PCDHGA2: variants seen among roughly 807,000 people sequenced by gnomAD.
PCDHGA2 encodes protocadherin gamma-A2.
In PCDHGA2, 40 loss-of-function variants were observed where a neutral mutation model predicts 59.2. That is an observed-to-expected ratio of 0.68 (90% CI 0.52 to 0.88). PCDHGA2 has a LOEUF of 0.88. Among genes scored for constraint, PCDHGA2 ranks in the 40% least tolerant of loss-of-function variants. PCDHGA2 has a pLI of 0.00. For synonymous variants in PCDHGA2, 560 were observed against 526.0 expected (o/e 1.06, Z -0.89); for missense variants, 1,226 against 1,204.0 (o/e 1.02, Z -0.27).
chr5:141,459,545 T>G (rs534173050), intron 1 of PCDHGA2, among the ~76,000 whole-genome samples: 81 of 152,348 alleles, frequency 5.3e-4, no homozygotes, highest in South Asian at 1.0e-3. Context: ...TTTTTTTATT[T>G]CTCTTGGATA....
chr5:141,345,970 T>C, intron 1 of PCDHGA2: 2 of 1,613,310 alleles, frequency 1.2e-6, no homozygotes, highest in Non-Finnish European at 1.7e-6. Context: ...GTGGTGGCCG[T>C]CCAGGACCAC....
intron 1 of PCDHGA2, chr5:141,389,392 T>C (rs1258153986): frequency 1.9e-6 from 3 of 1,613,686 alleles, no homozygotes; most frequent in Non-Finnish European, 2.5e-6. Flanking sequence ...TCATCCTACG[T>C]GTCCATAAGC....
In PCDHGA2 at chr5:141,511,352, C is replaced by A. The variant is rs2099883742; in HGVS notation, c.*179C>A. The A allele has an allele frequency of 3.6e-6, 5 of 1,381,248 alleles. No homozygotes were observed. The highest frequency in any genetic ancestry group is 2.7e-4 in the Middle Eastern group (1 of 3,772). 85.6% of individuals were successfully genotyped at this position (1,381,248 alleles called of 1,614,324 possible). ...CAGTCAGCACCTACCCCTTCCCCCCCAGGGGGTTGAATATGCAAAAGCAGT... is the reference window on the plus strand; with the variant it reads ...CAGTCAGCACCTACCCCTTCCCCCCAAGGGGGTTGAATATGCAAAAGCAGT... On this transcript the variant is annotated 3_prime_UTR_variant, in exon 4 of 4. Coordinates refer to ENST00000394576, the MANE Select transcript of PCDHGA2 (RefSeq NM_018915.4).
chr5:141,397,949 A>AGCCCCAGCTCAGAC (rs1391996511), intron 1 of PCDHGA2: 1 of 916,660 alleles, frequency 1.1e-6, no homozygotes, highest in Non-Finnish European at 1.6e-6. Context: ...TTTCCAGGGC[A>AGCCCCAGCTCAGAC]GCCCCAGCTC....
chr5:141,345,264 G>T (rs369204878), intron 1 of PCDHGA2: 1 of 1,613,912 alleles, frequency 6.2e-7, no homozygotes, highest in African/African-American at 1.3e-5. Context: ...CACATCCCTG[G>T]ACCGCGAACA....
intron 1 of PCDHGA2, among the ~76,000 whole-genome samples, chr5:141,463,545 T>C (rs1433047951): frequency 6.8e-6 from 1 of 146,704 alleles, no homozygotes; most frequent in East Asian, 2.1e-4. Flanking sequence ...GGCTCCCGGG[T>C]TCATGCCATT....
Position 141,376,444 on chromosome 5 carries a change from A to G in PCDHGA2, c.2424+35049A>G, listed in dbSNP as rs755915739. On this transcript the variant is annotated intron_variant, in intron 1 of 3. Coordinates refer to ENST00000394576, the MANE Select transcript of PCDHGA2 (RefSeq NM_018915.4). Reference sequence around the variant, plus strand: ...TTATCAACCAGGAGAGCTATGAGAAAAGCGAGCCTCTTCTGATAACTCAGG... The same window carrying G: ...TTATCAACCAGGAGAGCTATGAGAAGAGCGAGCCTCTTCTGATAACTCAGG... 3.1e-6 allele frequency: 5 copies of G among 1,614,096 alleles called. No homozygotes were observed. The East Asian group carries it at 8.9e-5, about 29-fold the overall frequency.
At chr5:141,410,849 C>CTTTTTTGTTTTTTTTTTTTTTT (rs2095433183) in intron 1 of PCDHGA2, 1 of 129,786 alleles carries the variant, frequency 7.7e-6, no homozygotes, top group African/African-American at 6.0e-5. Flanking sequence ...TTGTCTTTGT[C>CTTTTTTGTTTTTTTTTTTTTTT]TTTTTTTTTT....
intron 1 of PCDHGA2, chr5:141,356,562 T>C (rs1760257750): frequency 6.2e-7 from 1 of 1,614,042 alleles, no homozygotes; most frequent in Admixed American, 1.7e-5. Context: ...CTTTCCCTCA[T>C]GCTTCCTACT....
chr5:141,381,852 A>T (rs1777673646), intron 1 of PCDHGA2, among the ~76,000 whole-genome samples: 2 of 41,770 alleles, frequency 4.8e-5, no homozygotes, highest in African/African-American at 1.3e-4. Flanking sequence ...TTTTTTTGGC[A>T]GAGTTTTGCT....
chr5:141,388,592 T>C (rs1435796614), intron 1 of PCDHGA2: 1 of 1,613,880 alleles, frequency 6.2e-7, no homozygotes, highest in Non-Finnish European at 8.5e-7. Context: ...CTGATGCCAA[T>C]GATAATGCTC....
rs776825429 is a variant in PCDHGA2 at position 141,375,161 on chromosome 5, G to C, written c.2424+33766G>C. On this transcript the variant is annotated intron_variant, in intron 1 of 3. Transcript: ENST00000394576. ...TGGAAGCAGAACAATTGCTGAAAGT[G>C]CACCTCCAGGAACAGTAATCGCCCT... 2.5e-6 allele frequency: 4 copies of C among 1,613,940 alleles called. No individual in the cohort carries two copies. In the Admixed American group the frequency reaches 6.7e-5, roughly 27 times the overall value.
In PCDHGA2 at chr5:141,340,533, A is replaced by G. The variant is rs774636194; in HGVS notation, c.1562A>G (p.Asp521Gly). The G allele has an allele frequency of 6.2e-7, 1 of 1,614,204 alleles. No individual in the cohort carries two copies. The highest frequency in any genetic ancestry group is 1.1e-5 in the South Asian group (1 of 91,078). Residue 521 changes from aspartate (D) to glycine (G), a missense_variant, in exon 1 of 4, where the codon GAT (aspartate) becomes GGT (glycine). By Grantham distance (94) the Asp-to-Gly change is moderately conservative. Coordinates refer to ENST00000394576, the MANE Select transcript of PCDHGA2 (RefSeq NM_018915.4). ...GTACTCTATGCACTGCGCTCCTTTG[A>G]TTATGAGCAGTTGCGAGACTTGCAA... ...TGVLYALRSF[D>G]YEQLRDLQVW... is the part of the protein sequence containing the mutation.
At position 141,476,326 on chromosome 5, in the gene PCDHGA2, T is replaced by A. The variant is rs752845438; in HGVS notation, c.2425-18481T>A. Reference sequence around the variant, plus strand: ...CAGCCCGCAGGTTCCGGGTGGTGTCTGGAGCTAGCCGAAGATTCTTTGAGG... The same window carrying A: ...CAGCCCGCAGGTTCCGGGTGGTGTCAGGAGCTAGCCGAAGATTCTTTGAGG... On this transcript the variant is annotated intron_variant, in intron 1 of 3. Coordinates refer to ENST00000394576, the MANE Select transcript of PCDHGA2 (RefSeq NM_018915.4). This position sits in a 1 kb window ranked among gnomAD's most constrained non-coding sequence, Gnocchi z 7.6. The A allele has an allele frequency of 6.2e-7, 1 of 1,614,120 alleles. No individual in the cohort carries two copies. Among genetic ancestry groups the A allele is most frequent in the Non-Finnish European group, 8.5e-7 (1 of 1,180,034 alleles).
intron 1 of PCDHGA2, chr5:141,383,154 C>T (rs749274128): frequency 1.2e-6 from 2 of 1,613,994 alleles, no homozygotes; most frequent in Non-Finnish European, 1.7e-6. Context: ...GCAGCTTGGT[C>T]ACTGCGGGCA....
Position 141,431,325 on chromosome 5 carries a change from G to GT in PCDHGA2, c.2425-63481dup, listed in dbSNP as rs1340996903. On this transcript the variant is annotated intron_variant, in intron 1 of 3. Transcript: ENST00000394576. This position sits in a 1 kb window ranked among gnomAD's most constrained non-coding sequence, Gnocchi z 4.8. ...ATCGTGCAAAATGGAGCCGACGGTA[G>GT]TAAGTACCCCGAATTGGTGCTGAAA... 22 of 1,614,028 alleles carry GT rather than the reference G, an allele frequency of 1.4e-5. No homozygotes were observed. In the Admixed American group the frequency reaches 2.5e-4, roughly 18 times the overall value.
At chr5:141,398,045 G>A (rs2093604271) in intron 1 of PCDHGA2, 1 of 1,498,158 alleles carries the variant, frequency 6.7e-7, no homozygotes. Flanking sequence ...AAGCCCGTTC[G>A]GAGATCCAAA....
chr5:141,418,151 G>A (rs1276817622), intron 1 of PCDHGA2: 4 of 1,613,990 alleles, frequency 2.5e-6, no homozygotes, highest in East Asian at 4.5e-5. Context: ...AATATGCAAA[G>A]AGAGAAGAAG....
chr5:141,464,483 C>G (rs192469583), intron 1 of PCDHGA2, among the ~76,000 whole-genome samples: 32 of 151,368 alleles, frequency 2.1e-4, no homozygotes, highest in African/African-American at 7.3e-4. Flanking sequence ...ATAATAAATT[C>G]CTAATAGTGT....
Sources: allele counts gnomAD v4.1 joint callset (sites outside exome capture counted in the v4.1 genomes callset), GRCh38; gene constraint gnomAD v4.1.1; non-coding constraint Gnocchi (gnomAD v3.1); transcripts MANE v1.5; gene names NCBI Gene and HGNC (gene_info 2026-07-23, HGNC 2026-07-21).